The following NRXN1 variants were observed in gnomAD, a reference collection of about 807,000 sequenced individuals.
The protein encoded by NRXN1 is neurexin 1, also known as neurexin-1.
Under a neutral mutation model 150.9 loss-of-function variants are expected in NRXN1, and 39 were observed. The ratio of observed to expected loss-of-function variants is 0.26; its 90% CI spans 0.20 to 0.34. The LOEUF (loss-of-function observed/expected upper bound fraction) is 0.34, where lower values mean the gene tolerates loss of function less well. NRXN1 is among the 10% of genes least tolerant of loss of function. The probability of loss-of-function intolerance (pLI) is 1.00; values close to 1 mark genes in which losing one functional copy is unlikely to be tolerated. For missense variants in NRXN1, 1,815 were observed against 1,949.9 expected (o/e 0.93, Z 1.30); for synonymous variants, 924 against 757.0 (o/e 1.22, Z -3.62).
At position 49,947,621 on chromosome 2, in the gene NRXN1, C is replaced by T. The variant is rs370861272; in HGVS notation, c.4129-3830G>A. Among the ~76,000 whole-genome samples, 10 of 150,860 alleles carry T rather than the reference C, an allele frequency of 6.6e-5. No homozygotes were observed. In the Middle Eastern group the frequency reaches 0.017, roughly 260 times the overall value. Reference sequence around the variant, plus strand: ...AAGCAATACTCCTACCTGAGCCTCCCGAAGTGCTGGGATTACAGGAATGAG... The same window carrying T: ...AAGCAATACTCCTACCTGAGCCTCCTGAAGTGCTGGGATTACAGGAATGAG... On this transcript the variant is annotated intron_variant, in intron 21 of 22. Transcript: ENST00000401669.
intron 2 of NRXN1, among the ~76,000 whole-genome samples, chr2:50,934,151 T>A (rs1688178395): frequency 6.6e-6 from 1 of 152,188 alleles, no homozygotes; most frequent in Non-Finnish European, 1.5e-5. Context: ...AACACATATG[T>A]GTATACATAT....
At chr2:50,993,180 T>C (rs1042429309) in intron 2 of NRXN1, among the ~76,000 whole-genome samples, 2 of 151,990 alleles carry the variant, frequency 1.3e-5, no homozygotes, top group African/African-American at 4.8e-5. Flanking sequence ...CAATTATATA[T>C]TGTCTATGAG....
At chr2:50,851,517 G>C (rs940311393) in intron 5 of NRXN1, among the ~76,000 whole-genome samples, 6 of 152,018 alleles carry the variant, frequency 3.9e-5, no homozygotes, top group Non-Finnish European at 7.4e-5. Flanking sequence ...CCATCCACAT[G>C]TTGTACACAC....
intron 15 of NRXN1, among the ~76,000 whole-genome samples, chr2:50,486,928 A>G (rs1257281554): frequency 2.6e-5 from 4 of 152,158 alleles, no homozygotes; most frequent in African/African-American, 9.7e-5. Context: ...TCTGGGAATT[A>G]ATTGAGATGA....
At chr2:50,563,655 G>A (rs1404477025) in intron 8 of NRXN1, among the ~76,000 whole-genome samples, 2 of 152,204 alleles carry the variant, frequency 1.3e-5, no homozygotes, top group Non-Finnish European at 2.9e-5. Flanking sequence ...GTCAACAGTG[G>A]ACAAGATGGA....
intron 5 of NRXN1, among the ~76,000 whole-genome samples, chr2:50,901,273 C>T (rs1012934629): frequency 1.3e-5 from 2 of 152,080 alleles, no homozygotes; most frequent in African/African-American, 4.8e-5. Flanking sequence ...CGGTGGCTCA[C>T]ACCTGTAATC....
chr2:50,012,446 C>T (rs1278990042), intron 21 of NRXN1, among the ~76,000 whole-genome samples: 1 of 152,050 alleles, frequency 6.6e-6, no homozygotes, highest in Non-Finnish European at 1.5e-5. Context: ...CATCTCTTCA[C>T]CAATTCTATT....
At chr2:50,811,371 C>T (rs1347421778) in intron 5 of NRXN1, among the ~76,000 whole-genome samples, 1 of 152,196 alleles carries the variant, frequency 6.6e-6, no homozygotes, top group Non-Finnish European at 1.5e-5. Context: ...TTCTAGACCA[C>T]TAGAACACAT....
chr2:49,984,718 AACACACACACAC>A (rs149322054), intron 21 of NRXN1, among the ~76,000 whole-genome samples: 6 of 146,954 alleles, frequency 4.1e-5, no homozygotes, highest in African/African-American at 5.0e-5. Context: ...AGAACACACA[AACACACACACAC>A]ACACACACAC....
chr2:50,528,385 C>T (rs2093012966), intron 12 of NRXN1, among the ~76,000 whole-genome samples: 2 of 152,148 alleles, frequency 1.3e-5, no homozygotes, highest in South Asian at 4.1e-4. Flanking sequence ...CTGGCACATT[C>T]TGTTACAAAA....
At chr2:50,405,202 C>T (rs1167013840) in intron 17 of NRXN1, among the ~76,000 whole-genome samples, 1 of 152,136 alleles carries the variant, frequency 6.6e-6, no homozygotes, top group African/African-American at 2.4e-5. Flanking sequence ...TCTTGAGGAT[C>T]TTTCCACTTG....
chr2:50,662,807 A>G (rs1687484154), intron 5 of NRXN1, among the ~76,000 whole-genome samples: 1 of 151,992 alleles, frequency 6.6e-6, no homozygotes, highest in African/African-American at 2.4e-5. Context: ...ACCTAATGGT[A>G]GCTTATAAGG....
At chr2:50,954,370 A>G (rs115318756) in intron 2 of NRXN1, among the ~76,000 whole-genome samples, 4 of 152,300 alleles carry the variant, frequency 2.6e-5, no homozygotes, top group African/African-American at 9.6e-5. Context: ...AGCTCTCTAC[A>G]TATTGCTGTC....
chr2:50,713,692 A>C (rs1463606012), intron 5 of NRXN1, among the ~76,000 whole-genome samples: 1 of 152,228 alleles, frequency 6.6e-6, no homozygotes, highest in Non-Finnish European at 1.5e-5. Flanking sequence ...CGCAAACAAA[A>C]AAAAACAGAT....
chr2:50,560,162 A>C (rs1055540665), intron 8 of NRXN1, among the ~76,000 whole-genome samples: 1 of 152,188 alleles, frequency 6.6e-6, no homozygotes, highest in Non-Finnish European at 1.5e-5. Flanking sequence ...ACTTTCTTAC[A>C]CTGAAGGTCT....
chr2:50,081,221 T>C (rs1485299639), intron 19 of NRXN1, among the ~76,000 whole-genome samples: 1 of 152,218 alleles, frequency 6.6e-6, no homozygotes, highest in Non-Finnish European at 1.5e-5. Flanking sequence ...TTATCCTTTT[T>C]GATACTCTGC....
intron 5 of NRXN1, among the ~76,000 whole-genome samples, chr2:50,828,262 G>C (rs1234468689): frequency 6.8e-6 from 1 of 147,546 alleles, no homozygotes; most frequent in African/African-American, 2.5e-5. Flanking sequence ...GCGGCTGGCC[G>C]GGCGGGGGGC....
chr2:50,689,458 TACATAACTGG>T (rs1270640554), intron 5 of NRXN1, among the ~76,000 whole-genome samples: 2 of 152,218 alleles, frequency 1.3e-5, no homozygotes, highest in Non-Finnish European at 2.9e-5. Flanking sequence ...CATGTCTATA[TACATAACTGG>T]ACTCCATCCT....
intron 5 of NRXN1, among the ~76,000 whole-genome samples, chr2:50,864,151 A>T (rs1182716555): frequency 6.6e-6 from 1 of 152,026 alleles, no homozygotes; most frequent in Non-Finnish European, 1.5e-5. Context: ...AGGACAGAGG[A>T]CCTTTTCCTT....
Sources: gnomAD v4.1 joint callset for allele counts (sites outside exome capture counted in the v4.1 genomes callset) on GRCh38, gnomAD v4.1.1 for gene constraint, MANE v1.5 for transcripts, NCBI Gene and HGNC (gene_info 2026-07-23, HGNC 2026-07-21) for gene names.